Variants in FAM83A observed in about 807,000 individuals in gnomAD.
FAM83A encodes scaffolding CK1 anchoring protein A.
Under a neutral mutation model 24.4 loss-of-function variants are expected in FAM83A, and 21 were observed. That is an observed-to-expected ratio of 0.86 (90% CI 0.61 to 1.24). The LOEUF (loss-of-function observed/expected upper bound fraction) is 1.24, where lower values mean the gene tolerates loss of function less well. FAM83A is among the 50% of genes most tolerant of loss of function. FAM83A has a pLI of 0.00. For synonymous variants in FAM83A, 270 were observed against 252.4 expected, an observed-to-expected ratio of 1.07 and a Z score of -0.66; for missense variants, 617 against 579.8, an observed-to-expected ratio of 1.06 and a Z score of -0.66.
chr8:123,190,554 C>T (rs901755595), intron 1 of FAM83A, among the ~76,000 whole-genome samples: 4 of 152,110 alleles, frequency 2.6e-5, no homozygotes, highest in Non-Finnish European at 4.4e-5. Context: ...CGTGAGCCAC[C>T]GCGCCCGGCA....
At chr8:123,184,284 G>A (rs117379777) in intron 1 of FAM83A, among the ~76,000 whole-genome samples, 1 of 152,098 alleles carries the variant, frequency 6.6e-6, no homozygotes, top group Non-Finnish European at 1.5e-5. Context: ...CCCAGGCTGT[G>A]TTAGGTGCCC....
chr8:123,183,306 C>T (rs535733897), exon 1 of FAM83A: 13 of 1,612,742 alleles, frequency 8.1e-6, no homozygotes, highest in East Asian at 6.7e-5. Flanking sequence ...TCAGAGACCT[C>T]GTCCGCCGCT....
At chr8:123,188,960 T>C (rs764349400) in intron 1 of FAM83A, among the ~76,000 whole-genome samples, 1 of 152,170 alleles carries the variant, frequency 6.6e-6, no homozygotes, top group Non-Finnish European at 1.5e-5. Flanking sequence ...AACCTGCCCC[T>C]GTCTCTGTTC....
upstream of FAM83A, chr8:123,182,613 G>A (rs539696046): frequency 7.4e-5 from 52 of 699,954 alleles, no homozygotes; most frequent in South Asian, 5.4e-4. Flanking sequence ...CTCCCGGCCC[G>A]AGGGCAGGGC....
intron 1 of FAM83A, among the ~76,000 whole-genome samples, chr8:123,185,520 C>T (rs112930122): frequency 3.9e-5 from 6 of 152,292 alleles, no homozygotes; most frequent in African/African-American, 1.4e-4. Flanking sequence ...CAGCGTGTTA[C>T]GAACTTAGGA....
intron 3 of FAM83A, among the ~76,000 whole-genome samples, chr8:123,205,105 G>A (rs1232969077): frequency 6.6e-6 from 1 of 151,690 alleles, no homozygotes; most frequent in Non-Finnish European, 1.5e-5. Context: ...GAGCAAGGCT[G>A]CGTCTCAAAA....
rs147684085 is a variant in FAM83A, at chr8:123,183,616, A to G, written c.480+280A>G. On this transcript the variant is annotated intron_variant, in intron 1 of 3. Coordinates refer to ENST00000690554, the Ensembl canonical transcript of FAM83A. The stretch of plus-strand genomic sequence containing the variant: ...TTTGATCCCCAGCGTCACAGTCTCC[A>G]TACTGCAGTAAAGTGGCTTTTCCTC... 1.9e-4 allele frequency among the ~76,000 whole-genome samples: 28 copies of G among 149,072 alleles called. No individual in the cohort carries two copies. The East Asian group carries it at 5.5e-3, about 29-fold the overall frequency.
chr8:123,207,124 T>TC (rs766648885), intron 3 of FAM83A, 33 bp from the exon 4 acceptor site: 39 of 925,972 alleles, frequency 4.2e-5, no homozygotes, highest in African/African-American at 4.0e-4. Flanking sequence ...TTCCCCCTTC[T>TC]CCTCCATCAC....
exon 1 of FAM83A, chr8:123,183,033 G>A (rs760070444): frequency 2.5e-6 from 4 of 1,610,620 alleles, no homozygotes; most frequent in East Asian, 2.2e-5. Flanking sequence ...AGGAAGGCGA[G>A]GTGGACTTCT....
In FAM83A at chr8:123,190,443, T is replaced by TG. The variant is rs1168731638; in HGVS notation, c.481-1360_481-1359insG. 7.3e-5 allele frequency among the ~76,000 whole-genome samples: 11 copies of TG among 151,714 alleles called. No homozygotes were observed. In the East Asian group the frequency reaches 2.1e-3, roughly 30 times the overall value. ...GTCCAGCTAATTTTTTTTTTTTTTT[T>TG]TAGTAGAGACGAGCTTTCACCATGT... is the stretch of plus-strand genomic sequence containing the variant. On this transcript the variant is annotated intron_variant, in intron 1 of 3. Transcript: ENST00000690554.
At chr8:123,208,396 A>G in exon 4 of FAM83A, 1 of 985,598 alleles carries the variant, frequency 1.0e-6, no homozygotes, top group Non-Finnish European at 1.2e-6. Context: ...CTTGCTTCAA[A>G]GAGCCTTGGG....
At chr8:123,204,446 T>A (rs1824471587) in intron 3 of FAM83A, among the ~76,000 whole-genome samples, 1 of 152,176 alleles carries the variant, frequency 6.6e-6, no homozygotes, top group African/African-American at 2.4e-5. Flanking sequence ...TGCTACGTAC[T>A]TATGGGCCAA....
intron 2 of FAM83A, among the ~76,000 whole-genome samples, chr8:123,192,578 C>G (rs1824018295): frequency 6.6e-6 from 1 of 152,206 alleles, no homozygotes; most frequent in African/African-American, 2.4e-5. Flanking sequence ...GTGAACACCA[C>G]CCATAGCTTT....
intron 3 of FAM83A, among the ~76,000 whole-genome samples, chr8:123,195,936 G>C (rs769372138): frequency 2.0e-5 from 3 of 152,248 alleles, no homozygotes; most frequent in Non-Finnish European, 2.9e-5. Flanking sequence ...ACAGCACAGA[G>C]TATAACTTTC....
In FAM83A at chr8:123,209,473, C is replaced by T. The variant is rs1824666827; in HGVS notation, c.*1785C>T. On this transcript the variant is annotated 3_prime_UTR_variant, in exon 4 of 4. Transcript: ENST00000690554. This position sits in a 1 kb window ranked among gnomAD's most constrained non-coding sequence, Gnocchi z 4.7. Reference sequence around the variant, plus strand: ...AACAAAAACAAAAAAACAAACAACACTTTGGTTCCTGATGGCTTTCTGAAC... The same window carrying T: ...AACAAAAACAAAAAAACAAACAACATTTTGGTTCCTGATGGCTTTCTGAAC... 1 of 1,614,104 alleles carries T rather than the reference C, an allele frequency of 6.2e-7. No homozygotes were observed. The highest frequency in any genetic ancestry group is 1.7e-5 in the Admixed American group (1 of 59,998).
At chr8:123,203,996 T>C (rs894180210) in intron 3 of FAM83A, among the ~76,000 whole-genome samples, 2 of 148,742 alleles carry the variant, frequency 1.3e-5, no homozygotes, top group Non-Finnish European at 1.5e-5. Context: ...AATTCTATAA[T>C]TATGGAAAAA....
At chr8:123,207,957 C>A in exon 4 of FAM83A, 1 of 1,224,906 alleles carries the variant, frequency 8.2e-7, no homozygotes, top group Non-Finnish European at 1.0e-6. Flanking sequence ...ATCATGAAAA[C>A]AGAGTCCCTG....
intron 1 of FAM83A, among the ~76,000 whole-genome samples, chr8:123,184,499 A>G (rs1286750480): frequency 6.6e-6 from 1 of 152,148 alleles, no homozygotes; most frequent in Non-Finnish European, 1.5e-5. Flanking sequence ...ATCTTTAGAT[A>G]GAAGAGAAAA....
At chr8:123,182,744 C>G (rs544862703) in exon 1 of FAM83A, 23 of 1,454,622 alleles carry the variant, frequency 1.6e-5, no homozygotes, top group Non-Finnish European at 2.0e-5. Context: ...TGGGAGCAGG[C>G]GGCCTCCCGG....
Sources: gnomAD v4.1 joint callset for allele counts (sites outside exome capture counted in the v4.1 genomes callset) on GRCh38, gnomAD v4.1.1 for gene constraint, Gnocchi (gnomAD v3.1) non-coding constraint, MANE v1.5 for transcripts, NCBI Gene and HGNC (gene_info 2026-07-23, HGNC 2026-07-21) for gene names.